The following ZMIZ2 variants were observed in gnomAD, a reference collection of about 807,000 sequenced individuals.
ZMIZ2 encodes the protein zinc finger MIZ domain-containing protein 2.
A neutral mutation model predicts 93.9 loss-of-function variants in ZMIZ2; 26 were observed. The observed-to-expected ratio is 0.28, with a 90% CI of 0.20 to 0.38. The LOEUF (loss-of-function observed/expected upper bound fraction) is 0.38. Ranked by LOEUF, ZMIZ2 falls within the 10% of genes least tolerant of loss-of-function variation. The pLI is 1.00. For missense variants in ZMIZ2, 1,023 were observed against 1,235.0 expected, an observed-to-expected ratio of 0.83 and a Z score of 2.57; for synonymous variants, 485 against 516.4, an observed-to-expected ratio of 0.94 and a Z score of 0.82.
rs756222093 is a variant in ZMIZ2, at chr7:44,766,528, T to A, written c.2520T>A (p.Pro840=). 3.7e-6 allele frequency: 6 copies of A among 1,613,728 alleles called. No individual in the cohort carries two copies. The South Asian group carries it at 6.6e-5, about 18-fold the overall frequency. The change falls in exon 18 of 19, where the codon CCT becomes CCA. Residue 840 remains proline, a synonymous_variant. Coordinates refer to ENST00000309315, the MANE Select transcript of ZMIZ2 (RefSeq NM_031449.4). This position sits in a 1 kb window ranked among gnomAD's most constrained non-coding sequence, Gnocchi z 4.4. ...GTCCCCAGCTGCACCATTCAAACCC[T>A]CCCCCAGCGTCCCGGCAGTCCTTGG... The part of the protein sequence containing the change: ...PPGPQLHHSN[P]PPASRQSLGQ...
rs770509850 is a variant in ZMIZ2, at chr7:44,757,446, A to G, written c.437A>G (p.Gln146Arg). The G allele has an allele frequency of 1.1e-5, 18 of 1,606,798 alleles. No homozygotes were observed. The highest frequency in any genetic ancestry group is 1.4e-5 in the Non-Finnish European group (17 of 1,179,848). Residue 146 changes from glutamine (Q) to arginine (R), a missense_variant, in exon 5 of 19, where the codon CAA (glutamine) becomes CGA (arginine). By Grantham distance (43) the Gln-to-Arg change is conservative. Transcript: ENST00000309315. ...HAARPSTDFT[Q>R]AAAAAAVAAA... Reference sequence around the variant, plus strand: ...GCAAGACCCTCCACTGACTTCACGCAAGCGGCAGCTGCTGCAGCTGTGGCT... The same window carrying G: ...GCAAGACCCTCCACTGACTTCACGCGAGCGGCAGCTGCTGCAGCTGTGGCT...
In ZMIZ2 at chr7:44,760,546, T is replaced by A; in HGVS notation, c.1193T>A (p.Leu398Ter). ...SPNQEVKSPF[L>*]PDLKPNLNSL... is the part of the protein sequence containing the mutation. ...AACCAAGAGGTCAAGTCTCCCTTCT[T>A]GCCTGATCTCAAGCCCAACCTCAAC... is the stretch of plus-strand genomic sequence containing the variant. The change falls in exon 9 of 19, where the codon TTG becomes TAG. Residue 398 changes from leucine (L) to a stop codon, truncating the protein, a stop_gained. Transcript: ENST00000309315. LOFTEE classifies it high-confidence loss of function. 1 of 1,614,098 alleles carries A rather than the reference T, an allele frequency of 6.2e-7. No homozygotes were observed.
At position 44,759,384 on chromosome 7, in the gene ZMIZ2, C is replaced by G; in HGVS notation, c.917C>G (p.Pro306Arg). 6.2e-7 allele frequency: 1 copy of G among 1,605,196 alleles called. No individual in the cohort carries two copies. Among genetic ancestry groups the G allele is most frequent in the Non-Finnish European group, 8.5e-7 (1 of 1,176,138 alleles). ...CCCCCTGCCCCCTCCCCTTCCTACC[C>G]TGGGCACAGGCTGCCCCTGCAGCAG... ...GQPPAPSPSY[P>R]GHRLPLQQGM... Residue 306 changes from proline (P) to arginine (R), a missense_variant, in exon 7 of 19, where the codon CCT (proline) becomes CGT (arginine). By Grantham distance (103) the Pro-to-Arg change is moderately radical. Around this residue, in one of 3 missense-constraint regions of ZMIZ2, gnomAD observed 656 missense variants for 777.1 expected, o/e 0.84. Transcript: ENST00000309315.
At position 44,757,406 on chromosome 7, in the gene ZMIZ2, C is replaced by T; in HGVS notation, c.397C>T (p.Leu133Phe). The change falls in exon 5 of 19, where the codon CTC (leucine) becomes TTC (phenylalanine). Residue 133 changes from leucine to phenylalanine, a missense_variant. By Grantham distance (22) the Leu-to-Phe change is conservative (BLOSUM62 0). Around this residue, in one of 3 missense-constraint regions of ZMIZ2, gnomAD observed 656 missense variants for 777.1 expected, o/e 0.84. Coordinates refer to ENST00000309315, the MANE Select transcript of ZMIZ2 (RefSeq NM_031449.4). Reference sequence around the variant, plus strand: ...TGCAGGCGGCCCGGGGGGCCTGGGCCTCCCCTCACATGCTGCAAGACCCTC... The same window carrying T: ...TGCAGGCGGCCCGGGGGGCCTGGGCTTCCCCTCACATGCTGCAAGACCCTC... ...GYAGGPGGLG[L>F]PSHAARPSTD... 3 of 1,603,060 alleles carry T rather than the reference C, an allele frequency of 1.9e-6. No individual in the cohort carries two copies. The highest frequency in any genetic ancestry group is 2.5e-6 in the Non-Finnish European group (3 of 1,179,542).
chr7:44,753,544 C>T (rs1400197601), intron 1 of ZMIZ2, among the ~76,000 whole-genome samples: 1 of 152,238 alleles, frequency 6.6e-6, no homozygotes, highest in East Asian at 1.9e-4. Flanking sequence ...CTGTGCCTGG[C>T]TGAGAATTCT....
chr7:44,754,405 T>C (rs1790418651), intron 1 of ZMIZ2, among the ~76,000 whole-genome samples: 1 of 151,974 alleles, frequency 6.6e-6, no homozygotes. Flanking sequence ...CCCCTGAGGG[T>C]GTGAGGAAGT....
In ZMIZ2 at chr7:44,760,530, G is replaced by A. The variant is rs200284599; in HGVS notation, c.1177G>A (p.Val393Ile). 2.5e-6 allele frequency: 4 copies of A among 1,614,100 alleles called. No homozygotes were observed. The highest frequency in any genetic ancestry group is 3.4e-6 in the Non-Finnish European group (4 of 1,180,026). Residue 393 changes from valine to isoleucine, a missense_variant, in exon 9 of 19, where the codon GTC becomes ATC. Around this residue, in one of 3 missense-constraint regions of ZMIZ2, gnomAD observed 656 missense variants for 777.1 expected, o/e 0.84. Coordinates refer to ENST00000309315, the MANE Select transcript of ZMIZ2 (RefSeq NM_031449.4). ...CCCTTACATGTCACCAAACCAAGAG[G>A]TCAAGTCTCCCTTCTTGCCTGATCT... ...SVPYMSPNQE[V>I]KSPFLPDLKP...
rs915379797 is a variant in ZMIZ2, at chr7:44,762,928, G to A, written c.1644G>A (p.Ser548=). ...LQLVHRPSVR[S]VLQGLLKKRL... is the part of the protein sequence containing the mutation. Reference sequence around the variant, plus strand: ...TAGTGCACCGCCCATCCGTCCGCTCGGTGCTGCAGGGCCTCCTCAAAAAGC... The same window carrying A: ...TAGTGCACCGCCCATCCGTCCGCTCAGTGCTGCAGGGCCTCCTCAAAAAGC... Residue 548 remains serine (S), a synonymous_variant, in exon 12 of 19, where the codon TCG becomes TCA. Coordinates refer to ENST00000309315, the MANE Select transcript of ZMIZ2 (RefSeq NM_031449.4). The A allele has an allele frequency of 5.0e-6, 8 of 1,613,144 alleles. No individual in the cohort carries two copies. Among genetic ancestry groups the A allele is most frequent in the East Asian group, 2.2e-5 (1 of 44,868 alleles).
chr7:44,762,750 T>A (rs1340802599), intron 11 of ZMIZ2, 131 bp from the exon 12 acceptor site: 1 of 414,532 alleles, frequency 2.4e-6, no homozygotes, highest in Non-Finnish European at 4.0e-6. Flanking sequence ...CACCCCCAGC[T>A]CACCCTGCCC....
At position 44,757,364 on chromosome 7, in the gene ZMIZ2, T is replaced by C. The variant is rs1319366041; in HGVS notation, c.369-14T>C. ...GCCCACGCAGAGAGCGTGGCAATCC[T>C]GTGTCTCCTGCAGGTATGCAGGCGG... On this transcript the variant is annotated splice_polypyrimidine_tract_variant and intron_variant, in intron 4 of 18. Transcript: ENST00000309315. 5 of 1,595,818 alleles carry C rather than the reference T, an allele frequency of 3.1e-6. No homozygotes were observed. Among genetic ancestry groups the C allele is most frequent in the Non-Finnish European group, 4.2e-6 (5 of 1,177,014 alleles).
chr7:44,749,368 G>C (rs1789932956), intron 1 of ZMIZ2, among the ~76,000 whole-genome samples: 2 of 152,148 alleles, frequency 1.3e-5, no homozygotes, highest in African/African-American at 4.8e-5. Flanking sequence ...CAACCTGATC[G>C]TTCCTAGCTT....
Position 44,759,691 on chromosome 7 carries a change from A to G in ZMIZ2, c.993+231A>G, listed in dbSNP as rs550694034. ...CCTGGGGTTTGGGATCCAGTTCCGA[A>G]AGGACCCTCTACAAGATTCATATAT... On this transcript the variant is annotated intron_variant, in intron 7 of 18. Coordinates refer to ENST00000309315, the MANE Select transcript of ZMIZ2 (RefSeq NM_031449.4). The G allele has an allele frequency of 7.5e-5, 34 of 454,044 alleles. 1 individual carries two copies. Among genetic ancestry groups the G allele is most frequent in the Admixed American group, 2.3e-4 (6 of 25,572 alleles). 28.1% of individuals were successfully genotyped at this position (454,044 alleles called of 1,614,324 possible). A position where few individuals can be genotyped will look rare whatever the true frequency, so the allele number is the denominator to read the frequency against.
chr7:44,752,495 GGAGAA>G (rs1790241474), intron 1 of ZMIZ2, among the ~76,000 whole-genome samples: 1 of 152,100 alleles, frequency 6.6e-6, no homozygotes, highest in African/African-American at 2.4e-5. Context: ...TTACAGAAAT[GGAGAA>G]GAGATTAGTA....
In ZMIZ2 at chr7:44,761,806, G is replaced by A; in HGVS notation, c.1497G>A (p.Glu499=). 6.2e-7 allele frequency: 1 copy of A among 1,613,872 alleles called. No homozygotes were observed. Among genetic ancestry groups the A allele is most frequent in the African/African-American group, 1.3e-5 (1 of 75,064 alleles). Reference sequence around the variant, plus strand: ...TCAATGCCACGCCGCTCACCATCGAGCGTGGCGACAACAAGACCTCGCACA... The same window carrying A: ...TCAATGCCACGCCGCTCACCATCGAACGTGGCGACAACAAGACCTCGCACA... The part of the protein sequence containing the change: ...VSVNATPLTI[E]RGDNKTSHKP... Residue 499 remains glutamate (E), a synonymous_variant, in exon 11 of 19, where the codon GAG becomes GAA. Coordinates refer to ENST00000309315, the MANE Select transcript of ZMIZ2 (RefSeq NM_031449.4). This position sits in a 1 kb window ranked among gnomAD's most constrained non-coding sequence, Gnocchi z 5.8.
Position 44,766,967 on chromosome 7 carries a change from T to C in ZMIZ2, c.2655+304T>C, listed in dbSNP as rs1246277754. Reference sequence around the variant, plus strand: ...AGTCAAATTTCGTCTGTCCATTTGCTCAGTAGCCCTGGGTCTTGACTCACA... The same window carrying C: ...AGTCAAATTTCGTCTGTCCATTTGCCCAGTAGCCCTGGGTCTTGACTCACA... On this transcript the variant is annotated intron_variant, in intron 18 of 18. Coordinates refer to ENST00000309315, the MANE Select transcript of ZMIZ2 (RefSeq NM_031449.4). This position sits in a 1 kb window ranked among gnomAD's most constrained non-coding sequence, Gnocchi z 4.4. 6.6e-6 allele frequency among the ~76,000 whole-genome samples: 1 copy of C among 152,076 alleles called. No individual in the cohort carries two copies. The highest frequency in any genetic ancestry group is 1.5e-5 in the Non-Finnish European group (1 of 68,016).
chr7:44,756,123 T>G (rs2116690377), intron 1 of ZMIZ2, 65 bp from the exon 2 acceptor site: 1 of 1,363,864 alleles, frequency 7.3e-7, no homozygotes, highest in East Asian at 2.4e-5. Flanking sequence ...CCGGGGTCCC[T>G]CCACCCTGCT....
intron 13 of ZMIZ2, 34 bp from the exon 14 acceptor site, chr7:44,764,385 A>G (rs746937375): frequency 4.7e-5 from 76 of 1,610,480 alleles, no homozygotes; most frequent in South Asian, 1.1e-5. Flanking sequence ...GCTACCCACA[A>G]TGAGAAACTG....
intron 7 of ZMIZ2, 92 bp from the exon 8 acceptor site, chr7:44,760,059 G>C (rs2116780304): frequency 7.7e-7 from 1 of 1,290,760 alleles, no homozygotes; most frequent in African/African-American, 1.5e-5. Flanking sequence ...GTGTAAAGAA[G>C]ACCGTGTATG....
intron 1 of ZMIZ2, among the ~76,000 whole-genome samples, chr7:44,754,404 G>A (rs958949641): frequency 2.0e-5 from 3 of 152,162 alleles, no homozygotes; most frequent in East Asian, 1.9e-4. Flanking sequence ...TCCCCTGAGG[G>A]TGTGAGGAAG....
Sources: allele counts gnomAD v4.1 joint callset (sites outside exome capture counted in the v4.1 genomes callset), GRCh38; gene constraint gnomAD v4.1.1; regional missense constraint gnomAD v4.1.1; non-coding constraint Gnocchi (gnomAD v3.1); transcripts MANE v1.5; gene names NCBI Gene and HGNC (gene_info 2026-07-23, HGNC 2026-07-21).